The following STX12 variants were observed in gnomAD, a reference collection of about 807,000 sequenced individuals.
The protein encoded by STX12 is syntaxin-12.
Under a neutral mutation model 42.2 loss-of-function variants are expected in STX12, and 17 were observed. The observed-to-expected ratio is 0.40, with a 90% CI of 0.28 to 0.60. The LOEUF is 0.60. Among genes scored for constraint, STX12 ranks in the 20% least tolerant of loss-of-function variants. STX12 has a pLI of 0.39. For synonymous variants in STX12, 108 were observed against 116.7 expected, an observed-to-expected ratio of 0.93 and a Z score of 0.48; for missense variants, 297 against 330.9, an observed-to-expected ratio of 0.90 and a Z score of 0.79.
chr1:27,819,852 C>A, intron 8 of STX12, 120 bp downstream of exon 8: 1 of 727,346 alleles, frequency 1.4e-6, no homozygotes, highest in Non-Finnish European at 2.3e-6. Context: ...GGAAAGTAGT[C>A]ATAATTGCAG....
intron 1 of STX12, among the ~76,000 whole-genome samples, chr1:27,774,367 GC>G (rs1376662140): frequency 2.6e-5 from 4 of 152,158 alleles, no homozygotes; most frequent in African/African-American, 9.7e-5. Flanking sequence ...ATCAGCAGCA[GC>G]TTTACTTGGA....
intron 4 of STX12, among the ~76,000 whole-genome samples, chr1:27,802,683 C>G (rs2088835192): frequency 6.6e-6 from 1 of 152,194 alleles, no homozygotes; most frequent in African/African-American, 2.4e-5. Flanking sequence ...CACCTTTATC[C>G]TAGCCCTGAA....
intron 6 of STX12, 141 bp from the exon 7 acceptor site, chr1:27,817,710 T>C: frequency 1.5e-6 from 1 of 680,758 alleles, no homozygotes; most frequent in Admixed American, 2.6e-5. Context: ...CAGCAATAGA[T>C]TATTTTCTGT....
intron 1 of STX12, among the ~76,000 whole-genome samples, chr1:27,784,936 C>A (rs764485128): frequency 1.3e-5 from 2 of 152,038 alleles, no homozygotes; most frequent in South Asian, 2.1e-4. Flanking sequence ...TTCCACCCCC[C>A]AAATTTAGGT....
At chr1:27,800,238 T>C (rs1217262501) in intron 3 of STX12, among the ~76,000 whole-genome samples, 2 of 152,230 alleles carry the variant, frequency 1.3e-5, no homozygotes, top group Non-Finnish European at 2.9e-5. Context: ...TTACCCCTTC[T>C]TTCTGCTTAT....
At chr1:27,813,403 TGACCTCAA>T (rs1318625545) in intron 6 of STX12, among the ~76,000 whole-genome samples, 1 of 152,174 alleles carries the variant, frequency 6.6e-6, no homozygotes, top group Admixed American at 6.5e-5. Context: ...CTTGAACTTC[TGACCTCAA>T]GTGATCTGCC....
rs1460847933 is a variant in STX12 at position 27,822,373 on chromosome 1, T to A, written c.*44T>A. ...CCGCTGAGCTGTTTTCAAGGGCAAG[T>A]GCTTGTTGAAGTCTTGCCAGAACAA... On this transcript the variant is annotated 3_prime_UTR_variant, in exon 9 of 9. Transcript: ENST00000373943. 9 of 1,284,920 alleles carry A rather than the reference T, an allele frequency of 7.0e-6. No individual in the cohort carries two copies. The highest frequency in any genetic ancestry group is 1.0e-5 in the Non-Finnish European group (9 of 879,616). The allele number at this position is 1,284,920 out of a possible 1,614,324, so 79.6% of individuals were successfully genotyped here. A position where few individuals can be genotyped will look rare whatever the true frequency, so the allele number is the denominator to read the frequency against.
chr1:27,812,389 G>C, intron 6 of STX12, 121 bp downstream of exon 6: 1 of 744,758 alleles, frequency 1.3e-6, no homozygotes, highest in Non-Finnish European at 2.1e-6. Flanking sequence ...TGTGTGATTT[G>C]TATTTTTTCT....
intron 3 of STX12, 36 bp downstream of exon 3, chr1:27,793,668 G>A (rs373908102): frequency 5.9e-5 from 92 of 1,572,124 alleles, no homozygotes; most frequent in Non-Finnish European, 7.7e-5. Flanking sequence ...AATAGGAAAG[G>A]ACTTTGTGTT....
In STX12 at chr1:27,801,764, T is replaced by C. The variant is rs2088829762; in HGVS notation, c.375T>C (p.Ser125=). ...TCCAGGCTGTGCAGAGAAGGGTATC[T>C]GAAAAGGAAAAGGAGAGTATTGCCA... ...NNFQAVQRRV[S]EKEKESIARA... is the part of the protein sequence containing the mutation. The change falls in exon 4 of 9, where the codon TCT becomes TCC. Residue 125 remains serine (S), a synonymous_variant. Coordinates refer to ENST00000373943, the MANE Select transcript of STX12 (RefSeq NM_177424.3). 6.3e-7 allele frequency: 1 copy of C among 1,596,838 alleles called. No homozygotes were observed. Among genetic ancestry groups the C allele is most frequent in the South Asian group, 1.1e-5 (1 of 87,936 alleles).
intron 2 of STX12, among the ~76,000 whole-genome samples, chr1:27,792,526 CT>C (rs202083899): frequency 6.6e-6 from 1 of 151,190 alleles, no homozygotes. Flanking sequence ...CTTTTGACTC[CT>C]TTTTTTTAAA....
intron 3 of STX12, among the ~76,000 whole-genome samples, chr1:27,797,892 A>ACACC: frequency 6.6e-6 from 1 of 151,886 alleles, no homozygotes; most frequent in African/African-American, 2.4e-5. Context: ...ACACACACAC[A>ACACC]CACACACACA....
chr1:27,822,524 G>A lies in STX12; in HGVS notation c.*195G>A. ...TAATTATCAATTTATTGATTCTATT[G>A]ATTTCTCAAATTAGGAATTAACTTA... is the stretch of plus-strand genomic sequence containing the variant. On this transcript the variant is annotated 3_prime_UTR_variant, in exon 9 of 9. Transcript: ENST00000373943. 2 of 469,616 alleles carry A rather than the reference G, an allele frequency of 4.3e-6. No individual in the cohort carries two copies. The highest frequency in any genetic ancestry group is 3.8e-6 in the Non-Finnish European group (1 of 260,712). The allele number at this position is 469,616 out of a possible 1,614,324, so 29.1% of individuals were successfully genotyped here. A position where few individuals can be genotyped will look rare whatever the true frequency, so the allele number is the denominator to read the frequency against.
intron 1 of STX12, among the ~76,000 whole-genome samples, chr1:27,785,081 A>AT (rs1387391676): frequency 2.0e-5 from 3 of 152,220 alleles, no homozygotes; most frequent in African/African-American, 7.2e-5. Flanking sequence ...TATTTAATAA[A>AT]TTTTGATAGA....
intron 1 of STX12, among the ~76,000 whole-genome samples, chr1:27,785,606 A>G (rs2088693919): frequency 6.6e-6 from 1 of 152,196 alleles, no homozygotes; most frequent in African/African-American, 2.4e-5. Context: ...AATATCATCT[A>G]TAATTGGTGA....
intron 1 of STX12, 61 bp from the exon 2 acceptor site, chr1:27,789,501 A>T: frequency 1.6e-6 from 2 of 1,243,990 alleles, no homozygotes; most frequent in Non-Finnish European, 2.3e-6. Flanking sequence ...TCTTAGAAGT[A>T]GGGTACTCAT....
intron 4 of STX12, among the ~76,000 whole-genome samples, chr1:27,804,528 G>A (rs570407865): frequency 9.3e-5 from 14 of 151,278 alleles, no homozygotes; most frequent in East Asian, 2.0e-4. Context: ...AGAACTGCCC[G>A]AAGCTGGGCG....
intron 1 of STX12, among the ~76,000 whole-genome samples, chr1:27,774,363 A>G (rs1442771932): frequency 6.6e-6 from 1 of 152,202 alleles, no homozygotes; most frequent in Non-Finnish European, 1.5e-5. Context: ...GGAGATCAGC[A>G]GCAGCTTTAC....
At chr1:27,789,925 T>A (rs1361533895) in intron 2 of STX12, among the ~76,000 whole-genome samples, 1 of 152,196 alleles carries the variant, frequency 6.6e-6, no homozygotes, top group African/African-American at 2.4e-5. Context: ...TATATTCTGC[T>A]CACAACTCTG....
Sources: gnomAD v4.1 joint callset for allele counts (sites outside exome capture counted in the v4.1 genomes callset) on GRCh38, gnomAD v4.1.1 for gene constraint, MANE v1.5 for transcripts, NCBI Gene and HGNC (gene_info 2026-07-23, HGNC 2026-07-21) for gene names.